Variants in ZNF569 observed in about 807,000 individuals in gnomAD.
ZNF569 encodes zinc finger protein 569.
Under a neutral mutation model 56.3 loss-of-function variants are expected in ZNF569, and 38 were observed. The ratio of observed to expected loss-of-function variants is 0.68; its 90% confidence interval spans 0.52 to 0.88. ZNF569 has a LOEUF of 0.88. ZNF569 is among the 40% of genes least tolerant of loss of function. ZNF569 has a pLI of 0.00. For synonymous variants in ZNF569, 241 were observed against 262.9 expected (o/e 0.92, Z 0.81); for missense variants, 666 against 809.2 (o/e 0.82, Z 2.15).
chr19:37,417,045 G>A (rs10406177), intron 5 of ZNF569, among the ~76,000 whole-genome samples: 41,235 of 151,950 alleles, frequency 0.27, 6,993 homozygotes, highest in African/African-American at 0.47. Context: ...GTTCTTAGAA[G>A]AAGAATGCTA....
intron 5 of ZNF569, among the ~76,000 whole-genome samples, chr19:37,424,349 T>A (rs889594240): frequency 2.0e-5 from 3 of 151,002 alleles, no homozygotes; most frequent in Non-Finnish European, 4.4e-5. Flanking sequence ...AATAATAGAA[T>A]GAATATCAAA....
intron 5 of ZNF569, among the ~76,000 whole-genome samples, chr19:37,422,810 C>T (rs991608967): frequency 2.6e-5 from 4 of 152,088 alleles, no homozygotes; most frequent in Admixed American, 2.6e-4. Flanking sequence ...AATTACGGTA[C>T]AGCAATGTCA....
chr19:37,431,503 G>C (rs2041224575), intron 3 of ZNF569: 1 of 152,290 alleles, frequency 6.6e-6, no homozygotes, highest in Admixed American at 6.6e-5. Context: ...ATCACCTACT[G>C]ACTAAAGAGC....
chr19:37,413,222 G>C lies in ZNF569; in HGVS notation c.1436C>G (p.Ser479Ter), dbSNP rs770580566. 9 of 1,610,544 alleles carry C rather than the reference G, an allele frequency of 5.6e-6. No individual in the cohort carries two copies. The highest frequency in any genetic ancestry group is 1.3e-5 in the African/African-American group (1 of 74,740). Residue 479 changes from serine to a stop codon, truncating the protein, a stop_gained, in exon 6 of 6, where the codon TCA (serine) becomes TGA (stop). Coordinates refer to ENST00000316950, the MANE Select transcript of ZNF569 (RefSeq NM_152484.3). LOFTEE classifies it high-confidence loss of function. ...KECGKAFSQK[S>*]NLIAHEKIHS... ...AATTTTTTCATGAGCAATGAGATTT[G>C]ATTTCTGGCTAAAGGCTTTCCCACA... is the stretch of plus-strand genomic sequence containing the variant.
intron 1 of ZNF569, among the ~76,000 whole-genome samples, chr19:37,466,481 T>C (rs2041839336): frequency 6.6e-6 from 1 of 151,710 alleles, no homozygotes; most frequent in Non-Finnish European, 1.5e-5. Flanking sequence ...AATACAAAAT[T>C]AGCCAGGCGT....
Position 37,413,483 on chromosome 19 carries a change from GAGA to G in ZNF569, c.1172_1174del (p.Phe391del), listed in dbSNP as rs765393046. On this transcript the variant is annotated inframe_deletion, in exon 6 of 6. Coordinates refer to ENST00000316950, the MANE Select transcript of ZNF569 (RefSeq NM_152484.3). ...ATGTACAGTAAGGGCTGAGCTTTGA[GAGA>G]AGGCTTTTCCACACTCATTACATTC... 2 of 1,613,676 alleles carry G rather than the reference GAGA, an allele frequency of 1.2e-6. No individual in the cohort carries two copies.
chr19:37,441,113 G>C (rs2041397687), intron 3 of ZNF569, among the ~76,000 whole-genome samples: 2 of 152,144 alleles, frequency 1.3e-5, no homozygotes, highest in Non-Finnish European at 2.9e-5. Flanking sequence ...GAAAGACAGA[G>C]GAGAAGATGA....
At chr19:37,444,099 A>G (rs1476346969) in intron 3 of ZNF569, among the ~76,000 whole-genome samples, 2 of 152,164 alleles carry the variant, frequency 1.3e-5, no homozygotes, top group African/African-American at 4.8e-5. Context: ...GACTAGTCTT[A>G]AGCATAAAAT....
upstream of ZNF569, chr19:37,469,174 C>T: frequency 1.7e-6 from 2 of 1,202,078 alleles, no homozygotes; most frequent in South Asian, 2.1e-5. Flanking sequence ...CGGGGAGAGG[C>T]CAGTGTGGGA....
intron 5 of ZNF569, among the ~76,000 whole-genome samples, chr19:37,417,629 CATTTT>C (rs2040956214): frequency 6.6e-6 from 1 of 152,104 alleles, no homozygotes; most frequent in Admixed American, 6.5e-5. Context: ...GGCATTAAAG[CATTTT>C]AGACAAGAAA....
intron 5 of ZNF569, among the ~76,000 whole-genome samples, chr19:37,419,502 A>T (rs1600292954): frequency 6.6e-6 from 1 of 152,020 alleles, no homozygotes; most frequent in Non-Finnish European, 1.5e-5. Flanking sequence ...TGGGTGAATC[A>T]TTTGAGGTCA....
intron 3 of ZNF569, among the ~76,000 whole-genome samples, chr19:37,442,473 G>C (rs1433805330): frequency 1.3e-5 from 2 of 152,152 alleles, no homozygotes; most frequent in Non-Finnish European, 2.9e-5. Flanking sequence ...TGGGCAGAAG[G>C]CATACCAAGA....
At chr19:37,418,134 T>TAATAAA (rs1476685180) in intron 5 of ZNF569, among the ~76,000 whole-genome samples, 19 of 137,682 alleles carry the variant, frequency 1.4e-4, no homozygotes, top group African/African-American at 3.9e-4. Context: ...ATAATAATAA[T>TAATAAA]AAAATAAAGT....
upstream of ZNF569, chr19:37,468,071 G>GTTT (rs35295578): frequency 3.6e-3 from 2,097 of 585,826 alleles, 21 homozygotes; most frequent in Admixed American, 0.037. Flanking sequence ...TGCCTTTCGT[G>GTTT]TTTTTTTTTT....
chr19:37,413,618 C>A lies in ZNF569; in HGVS notation c.1040G>T (p.Ser347Ile), dbSNP rs769953963. 6.2e-7 allele frequency: 1 copy of A among 1,613,834 alleles called. No homozygotes were observed. Among genetic ancestry groups the A allele is most frequent in the Admixed American group, 1.7e-5 (1 of 59,994 alleles). ...TTTATAAGGTTTTTCTCCTGTATGA[C>A]TTCTCATATGAAGAGCAAGGGATGC... is the stretch of plus-strand genomic sequence containing the variant. Reference protein sequence around the residue: ...RIASLALHMRSHTGEKPYKCD... With the variant: ...RIASLALHMRIHTGEKPYKCD... Residue 347 changes from serine to isoleucine, a missense_variant, in exon 6 of 6, where the codon AGT (serine) becomes ATT (isoleucine). By Grantham distance (142) the Ser-to-Ile change is moderately radical (BLOSUM62 -2). Transcript: ENST00000316950.
chr19:37,417,907 C>T (rs1383465618), intron 5 of ZNF569, among the ~76,000 whole-genome samples: 2 of 151,918 alleles, frequency 1.3e-5, no homozygotes, highest in African/African-American at 2.4e-5. Context: ...AAGAGACTAG[C>T]CTGGCCAACA....
rs754198051 is a variant in ZNF569 at position 37,414,080 on chromosome 19, T to C, written c.578A>G (p.Lys193Arg). ...GAGGTCCAAAGTCTGATTGAAGCCTTTTCCACAATGATTACACTTAAAGGG... is the reference window on the plus strand; with the variant it reads ...GAGGTCCAAAGTCTGATTGAAGCCTCTTCCACAATGATTACACTTAAAGGG... ...ITPFKCNHCG[K>R]GFNQTLDLIR... is the part of the protein sequence containing the mutation. The change falls in exon 6 of 6, where the codon AAA becomes AGA. Residue 193 changes from lysine (K) to arginine (R), a missense_variant. Physicochemically the swap from Lys to Arg is conservative, Grantham distance 26. Coordinates refer to ENST00000316950, the MANE Select transcript of ZNF569 (RefSeq NM_152484.3). 4 of 1,613,656 alleles carry C rather than the reference T, an allele frequency of 2.5e-6. No homozygotes were observed. The highest frequency in any genetic ancestry group is 1.3e-5 in the African/African-American group (1 of 74,928).
chr19:37,429,985 G>A (rs2041198711), intron 3 of ZNF569, among the ~76,000 whole-genome samples: 1 of 152,166 alleles, frequency 6.6e-6, no homozygotes, highest in Non-Finnish European at 1.5e-5. Flanking sequence ...TTGAGGCTAG[G>A]AGTTCAAGAT....
intron 5 of ZNF569, among the ~76,000 whole-genome samples, chr19:37,417,901 G>A (rs925254635): frequency 6.6e-6 from 1 of 152,000 alleles, no homozygotes; most frequent in African/African-American, 2.4e-5. Context: ...GGAGTTAAGA[G>A]ACTAGCCTGG....
Sources: gnomAD v4.1 joint callset for allele counts (sites outside exome capture counted in the v4.1 genomes callset) on GRCh38, gnomAD v4.1.1 for gene constraint, MANE v1.5 for transcripts, NCBI Gene and HGNC (gene_info 2026-07-23, HGNC 2026-07-21) for gene names.